Variants in POU2AF1 observed in about 807,000 individuals in gnomAD.
POU2AF1 encodes the protein POU class 2 homeobox associating factor 1, also known as POU domain class 2-associating factor 1.
POU2AF1 carries 12 observed loss-of-function variants against 26.3 expected under a neutral mutation model. The ratio of observed to expected loss-of-function variants is 0.46; its 90% confidence interval spans 0.29 to 0.74. POU2AF1 has a LOEUF of 0.74. Ranked by LOEUF, POU2AF1 falls within the 30% of genes least tolerant of loss-of-function variation. The pLI, the probability that POU2AF1 is intolerant of heterozygous loss-of-function variation, is 0.09. For missense variants in POU2AF1, 297 were observed against 334.5 expected (o/e 0.89, Z 0.87); for synonymous variants, 175 against 148.0 (o/e 1.18, Z -1.32).
At chr11:111,372,182 C>G (rs1453229822) in intron 1 of POU2AF1, among the ~76,000 whole-genome samples, 1 of 152,014 alleles carries the variant, frequency 6.6e-6, no homozygotes, top group Non-Finnish European at 1.5e-5. Context: ...GCAAAGGCTG[C>G]CTGCTACATC....
Position 111,353,563 on chromosome 11 carries a change from CAA to C in POU2AF1, c.*696_*697del, listed in dbSNP as rs1253374292. 3 of 233,348 alleles carry C rather than the reference CAA, an allele frequency of 1.3e-5. No homozygotes were observed. The highest frequency in any genetic ancestry group is 2.5e-5 in the Non-Finnish European group (3 of 118,286). 14.5% of individuals were successfully genotyped at this position (233,348 alleles called of 1,614,324 possible). A position where few individuals can be genotyped will look rare whatever the true frequency, so the allele number is the denominator to read the frequency against. On this transcript the variant is annotated 3_prime_UTR_variant, in exon 5 of 5. Transcript: ENST00000393067. Reference sequence around the variant, plus strand: ...TCTGGCCGAGGCTGAGAAGAGCAAACAAAGGAGCAACTGTGGGAACTGACAGC... The same window carrying C: ...TCTGGCCGAGGCTGAGAAGAGCAAACAGGAGCAACTGTGGGAACTGACAGC...
At chr11:111,362,382 T>G (rs1427716496) in intron 1 of POU2AF1, among the ~76,000 whole-genome samples, 2 of 152,232 alleles carry the variant, frequency 1.3e-5, no homozygotes, top group South Asian at 2.1e-4. Flanking sequence ...GTCACCCTGT[T>G]GTGCTGTCAA....
At chr11:111,362,946 G>A (rs532905057) in intron 1 of POU2AF1, 2 of 177,918 alleles carry the variant, frequency 1.1e-5, no homozygotes, top group East Asian at 3.4e-4. Context: ...CTCCCAGGAA[G>A]TGGACACACC....
At chr11:111,370,808 T>C (rs1861195283) in intron 1 of POU2AF1, among the ~76,000 whole-genome samples, 1 of 152,212 alleles carries the variant, frequency 6.6e-6, no homozygotes, top group South Asian at 2.1e-4. Context: ...CATCTATTCT[T>C]CAGGATCCAA....
chr11:111,363,947 C>A (rs1208334331), intron 1 of POU2AF1: 2 of 985,244 alleles, frequency 2.0e-6, no homozygotes, highest in African/African-American at 3.5e-5. Context: ...TGGAGATCTC[C>A]TTTTTCGGGC....
chr11:111,354,701 G>T, intron 4 of POU2AF1, 126 bp from the exon 5 acceptor site: 2 of 844,738 alleles, frequency 2.4e-6, no homozygotes, highest in Non-Finnish European at 3.4e-6. Context: ...CACTTCATGG[G>T]GCTCCACCTC....
At chr11:111,372,893 TTTC>T (rs1051469275) in intron 1 of POU2AF1, among the ~76,000 whole-genome samples, 4 of 152,316 alleles carry the variant, frequency 2.6e-5, no homozygotes, top group African/African-American at 9.6e-5. Flanking sequence ...GCTATTCCTT[TTTC>T]TTCTTCTTGC....
In POU2AF1 at chr11:111,353,017, G is replaced by A. The variant is rs370825947; in HGVS notation, c.*1244C>T. 11 of 127,712 alleles carry A rather than the reference G, an allele frequency of 8.6e-5. No homozygotes were observed. The highest frequency in any genetic ancestry group is 1.1e-4 in the African/African-American group (3 of 28,348). The allele number at this position is 127,712 out of a possible 1,614,324, so 7.9% of individuals were successfully genotyped here. ...AAGAAGGAAGGAAGGAAGGAAGGAA[G>A]GAAGGAAGGAAGGAAGGAAGGAAGG... On this transcript the variant is annotated 3_prime_UTR_variant, in exon 5 of 5. Transcript: ENST00000393067.
In POU2AF1 at chr11:111,361,089, G is replaced by A. The variant is rs369690682; in HGVS notation, c.17-2171C>T. 2.1e-3 allele frequency among the ~76,000 whole-genome samples: 312 copies of A among 152,170 alleles called. 7 individuals are homozygous for A. In the South Asian group the frequency reaches 0.062, roughly 30 times the overall value. Reference sequence around the variant, plus strand: ...ATCCTTATTTTAACTTCCCCTGTCTGAACAAGAGATCTCTACTGGTATTCA... The same window carrying A: ...ATCCTTATTTTAACTTCCCCTGTCTAAACAAGAGATCTCTACTGGTATTCA... On this transcript the variant is annotated intron_variant, in intron 1 of 4. Transcript: ENST00000393067.
chr11:111,357,323 C>T, intron 4 of POU2AF1, 122 bp downstream of exon 4: 1 of 1,412,964 alleles, frequency 7.1e-7, no homozygotes, highest in Non-Finnish European at 9.8e-7. Flanking sequence ...CCAAGGCGAG[C>T]TCTGATGACC....
At chr11:111,362,520 A>G (rs1253393106) in intron 1 of POU2AF1, among the ~76,000 whole-genome samples, 1 of 152,098 alleles carries the variant, frequency 6.6e-6, no homozygotes, top group African/African-American at 2.4e-5. Context: ...CATGAATTCA[A>G]TTGTGTGAAT....
rs143628483 is a variant in POU2AF1 at position 111,360,821 on chromosome 11, G to A, written c.17-1903C>T. 2.0e-3 allele frequency among the ~76,000 whole-genome samples: 308 copies of A among 152,058 alleles called. 3 individuals are homozygous for A. In the East Asian group the frequency reaches 0.048, roughly 24 times the overall value. On this transcript the variant is annotated intron_variant, in intron 1 of 4. Transcript: ENST00000393067. ...TAGCCAGATGTGGTGGCAGGCACCTGTAATCCCAGTTACTTGGGAGGCTGA... is the reference window on the plus strand; with the variant it reads ...TAGCCAGATGTGGTGGCAGGCACCTATAATCCCAGTTACTTGGGAGGCTGA...
chr11:111,374,658 A>G (rs977198072), intron 1 of POU2AF1, among the ~76,000 whole-genome samples: 1 of 152,184 alleles, frequency 6.6e-6, no homozygotes, highest in African/African-American at 2.4e-5. Context: ...TTGCACCACT[A>G]CATTGCAGCC....
intron 1 of POU2AF1, among the ~76,000 whole-genome samples, chr11:111,368,961 G>A (rs1434559733): frequency 6.6e-6 from 1 of 152,196 alleles, no homozygotes; most frequent in Non-Finnish European, 1.5e-5. Context: ...TTGGTACAGT[G>A]ACCCTAACTT....
intron 1 of POU2AF1, among the ~76,000 whole-genome samples, chr11:111,372,228 G>A (rs1861227540): frequency 6.6e-6 from 1 of 152,134 alleles, no homozygotes; most frequent in African/African-American, 2.4e-5. Flanking sequence ...AAAGAGTAGG[G>A]CTGGGTTATT....
At chr11:111,359,631 G>A (rs1860966700) in intron 1 of POU2AF1, among the ~76,000 whole-genome samples, 1 of 152,162 alleles carries the variant, frequency 6.6e-6, no homozygotes, top group African/African-American at 2.4e-5. Context: ...GTGGGAAATT[G>A]GTAGAACAGT....
chr11:111,359,736 C>T (rs1441806461), intron 1 of POU2AF1, among the ~76,000 whole-genome samples: 1 of 152,076 alleles, frequency 6.6e-6, no homozygotes, highest in Non-Finnish European at 1.5e-5. Flanking sequence ...TGTCTTATAC[C>T]CACAACTAGA....
Position 111,354,163 on chromosome 11 carries a change from T to C in POU2AF1, c.*98A>G, listed in dbSNP as rs1860793225. 7.4e-7 allele frequency: 1 copy of C among 1,352,850 alleles called. No homozygotes were observed. The highest frequency in any genetic ancestry group is 1.0e-6 in the Non-Finnish European group (1 of 978,022). The allele number at this position is 1,352,850 out of a possible 1,614,324, so 83.8% of individuals were successfully genotyped here. A position where few individuals can be genotyped will look rare whatever the true frequency, so the allele number is the denominator to read the frequency against. ...TAGCTGTGCGTAGAAAGTGTAGTCATGAAATGACTACTCCAAACAAGCATG... is the reference window on the plus strand; with the variant it reads ...TAGCTGTGCGTAGAAAGTGTAGTCACGAAATGACTACTCCAAACAAGCATG... On this transcript the variant is annotated 3_prime_UTR_variant, in exon 5 of 5. Coordinates refer to ENST00000393067, the MANE Select transcript of POU2AF1 (RefSeq NM_006235.3).
At chr11:111,355,786 G>A (rs577392368) in intron 4 of POU2AF1, among the ~76,000 whole-genome samples, 206 of 152,238 alleles carry the variant, frequency 1.4e-3, no homozygotes, top group African/African-American at 4.6e-3. Context: ...CCAGCCTCCT[G>A]AAATCCGGGC....
Sources: allele counts gnomAD v4.1 joint callset (sites outside exome capture counted in the v4.1 genomes callset), GRCh38; gene constraint gnomAD v4.1.1; transcripts MANE v1.5; gene names NCBI Gene and HGNC (gene_info 2026-07-23, HGNC 2026-07-21).